The following PKP4 variants were observed in gnomAD, a reference collection of about 807,000 sequenced individuals.
The protein encoded by PKP4 is plakophilin-4.
In PKP4, 90 loss-of-function variants were observed where a neutral mutation model predicts 145.1. That is an observed-to-expected ratio of 0.62 (90% CI 0.52 to 0.74). PKP4 has a LOEUF of 0.74. PKP4 is among the 30% of genes least tolerant of loss of function. PKP4 has a pLI of 0.00. For synonymous variants in PKP4, 563 were observed against 577.2 expected (o/e 0.98, Z 0.35); for missense variants, 1,340 against 1,482.7 (o/e 0.90, Z 1.58).
chr2:158,512,682 T>C (rs1260805215), intron 1 of PKP4, among the ~76,000 whole-genome samples: 1 of 152,218 alleles, frequency 6.6e-6, no homozygotes, highest in African/African-American at 2.4e-5. Context: ...CTTAAATTTT[T>C]GAATTGGAAT....
chr2:158,555,114 C>T (rs1201529200), intron 2 of PKP4, among the ~76,000 whole-genome samples: 1 of 152,178 alleles, frequency 6.6e-6, no homozygotes, highest in Non-Finnish European at 1.5e-5. Flanking sequence ...GAGGAAGCTT[C>T]CCAGGCTCCT....
intron 1 of PKP4, among the ~76,000 whole-genome samples, chr2:158,503,468 A>G (rs919910880): frequency 6.6e-6 from 1 of 152,228 alleles, no homozygotes; most frequent in African/African-American, 2.4e-5. Context: ...ATATTTTTGT[A>G]AAATGAAGTT....
At chr2:158,515,761 G>A (rs957326623) in intron 1 of PKP4, among the ~76,000 whole-genome samples, 1 of 152,050 alleles carries the variant, frequency 6.6e-6, no homozygotes, top group African/African-American at 2.4e-5. Flanking sequence ...AAAAAATGGG[G>A]GTTGGCTGAC....
intron 3 of PKP4, among the ~76,000 whole-genome samples, chr2:158,591,142 GA>G (rs1278837905): frequency 6.6e-6 from 1 of 152,044 alleles, no homozygotes; most frequent in African/African-American, 2.4e-5. Flanking sequence ...AAAAAGAAGA[GA>G]GGGGGAGGTA....
chr2:158,518,253 G>A (rs2042086495), intron 1 of PKP4, among the ~76,000 whole-genome samples: 1 of 152,180 alleles, frequency 6.6e-6, no homozygotes, highest in Admixed American at 6.5e-5. Flanking sequence ...TGTCCATAGC[G>A]TCTTTTAATC....
intron 7 of PKP4, among the ~76,000 whole-genome samples, chr2:158,630,888 A>G (rs2105911801): frequency 6.6e-6 from 1 of 152,336 alleles, no homozygotes; most frequent in South Asian, 2.1e-4. Context: ...TATTTTTCTT[A>G]GAAAACCTAC....
intron 2 of PKP4, among the ~76,000 whole-genome samples, chr2:158,555,606 TTTG>T (rs1250004863): frequency 2.0e-5 from 3 of 152,348 alleles, no homozygotes; most frequent in Non-Finnish European, 4.4e-5. Context: ...GTGGGAAATG[TTTG>T]TTAAATGTCT....
At chr2:158,468,770 CTT>C (rs58577988) in intron 1 of PKP4, among the ~76,000 whole-genome samples, 6 of 109,962 alleles carry the variant, frequency 5.5e-5, no homozygotes, top group East Asian at 2.7e-4. Context: ...TCTTCTTCTT[CTT>C]TTTTTTTTTT....
intron 1 of PKP4, among the ~76,000 whole-genome samples, chr2:158,497,390 T>C (rs998422797): frequency 3.9e-5 from 6 of 152,226 alleles, no homozygotes; most frequent in African/African-American, 1.4e-4. Context: ...CTTCCCTCTT[T>C]CCTGCTTTTT....
chr2:158,656,511 C>G (rs1309605021), intron 11 of PKP4, among the ~76,000 whole-genome samples: 3 of 152,100 alleles, frequency 2.0e-5, no homozygotes, highest in South Asian at 2.1e-4. Context: ...GTCTCCCGCC[C>G]GTCCTGTGTC....
intron 1 of PKP4, among the ~76,000 whole-genome samples, chr2:158,471,642 C>T (rs1229501174): frequency 1.3e-5 from 2 of 152,218 alleles, no homozygotes; most frequent in Non-Finnish European, 2.9e-5. Context: ...TAAGCAGTAT[C>T]ATCCAACTAA....
At chr2:158,679,796 C>T (rs1308566288) in intron 21 of PKP4, among the ~76,000 whole-genome samples, 6 of 152,222 alleles carry the variant, frequency 3.9e-5, no homozygotes, top group Admixed American at 2.6e-4. Context: ...TATTTGCTCA[C>T]GTGTGTCTCC....
chr2:158,587,836 C>A (rs990390286), intron 3 of PKP4, among the ~76,000 whole-genome samples: 29 of 151,708 alleles, frequency 1.9e-4, no homozygotes. Flanking sequence ...TTTCAATTGA[C>A]TTTGTATACT....
At chr2:158,542,982 G>GCTACCACTTATA (rs2044657609) in intron 2 of PKP4, among the ~76,000 whole-genome samples, 3 of 152,078 alleles carry the variant, frequency 2.0e-5, no homozygotes, top group Non-Finnish European at 4.4e-5. Flanking sequence ...TTCTATAAGT[G>GCTACCACTTATA]GTAGATTTTC....
intron 1 of PKP4, among the ~76,000 whole-genome samples, chr2:158,464,393 C>T (rs1162363831): frequency 6.6e-6 from 1 of 152,074 alleles, no homozygotes; most frequent in Non-Finnish European, 1.5e-5. Flanking sequence ...TGGATTTGTG[C>T]TCTTCTATAA....
At chr2:158,645,617 A>C (rs544170962) in intron 11 of PKP4, among the ~76,000 whole-genome samples, 11 of 152,348 alleles carry the variant, frequency 7.2e-5, no homozygotes, top group African/African-American at 2.6e-4. Flanking sequence ...GACAAATGAC[A>C]TGGAAAACAC....
At chr2:158,458,406 GT>G in intron 1 of PKP4, 1 of 152,722 alleles carries the variant, frequency 6.5e-6, no homozygotes, top group Non-Finnish European at 1.5e-5. Context: ...TTTCGTCTGG[GT>G]TTTTGCTGCA....
At chr2:158,667,798 G>T (rs556000752) in intron 16 of PKP4, among the ~76,000 whole-genome samples, 85 of 152,284 alleles carry the variant, frequency 5.6e-4, no homozygotes, top group African/African-American at 2.0e-3. Flanking sequence ...CCTGATTCTT[G>T]TAGATGTGCC....
At chr2:158,619,292 G>A (rs994146996) in intron 4 of PKP4, among the ~76,000 whole-genome samples, 2 of 152,206 alleles carry the variant, frequency 1.3e-5, no homozygotes, top group Non-Finnish European at 2.9e-5. Context: ...ATGTTTCAAC[G>A]TGTACCAGGG....
Sources: gnomAD v4.1 joint callset for allele counts (sites outside exome capture counted in the v4.1 genomes callset) on GRCh38, gnomAD v4.1.1 for gene constraint, MANE v1.5 for transcripts, NCBI Gene and HGNC (gene_info 2026-07-23, HGNC 2026-07-21) for gene names.